Variants in PRR5 observed in about 807,000 individuals in gnomAD.
PRR5 encodes proline-rich protein 5.
In PRR5, 25 loss-of-function variants were observed where a neutral mutation model predicts 30.6. That is an observed-to-expected ratio of 0.82 (90% CI 0.60 to 1.14). PRR5 has a LOEUF of 1.14. Ranked by LOEUF, PRR5 falls within the 50% of genes most tolerant of loss-of-function variation. The pLI, the probability that PRR5 is intolerant of heterozygous loss-of-function variation, is 0.00. For synonymous variants in PRR5, 286 were observed against 247.1 expected (o/e 1.16, Z -1.48); for missense variants, 600 against 547.1 (o/e 1.10, Z -0.96).
chr22:44,732,420 T>C, intron 6 of PRR5, 29 bp downstream of exon 6: 1 of 1,587,834 alleles, frequency 6.3e-7, no homozygotes, highest in South Asian at 1.1e-5. Context: ...GGGTCGGGCA[T>C]GGGGACCGTG....
At chr22:44,732,461 C>G in intron 6 of PRR5, 70 bp downstream of exon 6, 1 of 1,551,010 alleles carries the variant, frequency 6.4e-7, no homozygotes, top group Admixed American at 1.8e-5. Flanking sequence ...TCCCCACAGG[C>G]AGAGCATGAG....
At chr22:44,675,798 A>ATT, upstream of PRR5, among the ~76,000 whole-genome samples, 1 of 142,506 alleles carries the variant, frequency 7.0e-6, no homozygotes, top group South Asian at 2.3e-4. Context: ...TATTATTATT[A>ATT]CTTAGGTCAC....
intron 6 of PRR5, 80 bp downstream of exon 6, chr22:44,732,471 G>C (rs531496798): frequency 2.6e-6 from 4 of 1,535,730 alleles, no homozygotes; most frequent in South Asian, 2.3e-5. Context: ...CAGAGCATGA[G>C]ATGAGGATTT....
rs753581449 is a variant in PRR5, at chr22:44,737,089, C to T, written c.1009C>T (p.Arg337Cys). 1.2e-5 allele frequency: 19 copies of T among 1,611,540 alleles called. No homozygotes were observed. Among genetic ancestry groups the T allele is most frequent in the African/African-American group, 4.0e-5 (3 of 74,948 alleles). ...CCCTGAGCAGGGCTTGGATCCCACC[C>T]GCAGCTCCCTGCCCCGCTCCAGCCC... Reference protein sequence around the residue: ...QPPEQGLDPTRSSLPRSSPEN... With the variant: ...QPPEQGLDPTCSSLPRSSPEN... The change falls in exon 8 of 8, where the codon CGC (arginine) becomes TGC (cysteine). Residue 337 changes from arginine (R) to cysteine (C), a missense_variant. Coordinates refer to ENST00000336985, the MANE Select transcript of PRR5 (RefSeq NM_181333.4).
Position 44,737,247 on chromosome 22 carries a change from A to G in PRR5, c.1167A>G (p.Ter389TrpextTer?). Residue 389 changes from the stop codon to tryptophan, a stop_lost, in exon 8 of 8, where the codon TGA becomes TGG. Coordinates refer to ENST00000336985, the MANE Select transcript of PRR5 (RefSeq NM_181333.4). ...EGSGGRQSVV[*>W] ...CTGGGGGCCGGCAGAGTGTCGTGTG[A>G]GGCCTCACAGCTGGCCTTGAGTTTT... is the stretch of plus-strand genomic sequence containing the variant. 1 of 1,595,340 alleles carries G rather than the reference A, an allele frequency of 6.3e-7. No homozygotes were observed. The highest frequency in any genetic ancestry group is 8.6e-7 in the Non-Finnish European group (1 of 1,167,584).
At chr22:44,733,463 C>T (rs1423459395) in intron 6 of PRR5, among the ~76,000 whole-genome samples, 1 of 152,230 alleles carries the variant, frequency 6.6e-6, no homozygotes, top group Non-Finnish European at 1.5e-5. Context: ...TGTGAGGACA[C>T]TCGGGACCCT....
At chr22:44,677,022 C>G (rs989553267), upstream of PRR5, 9 of 152,308 alleles carry the variant, frequency 5.9e-5, no homozygotes, top group Admixed American at 4.6e-4. Flanking sequence ...CCCCTCTGCC[C>G]TTTGGCCATG....
intron 4 of PRR5, chr22:44,730,457 C>T (rs1336960217): frequency 7.1e-6 from 7 of 985,224 alleles, no homozygotes; most frequent in African/African-American, 1.7e-5. Flanking sequence ...GGGTTCTTCA[C>T]GTTGCCTCTC....
intron 1 of PRR5, among the ~76,000 whole-genome samples, chr22:44,684,618 T>A (rs1353008728): frequency 6.6e-6 from 1 of 152,194 alleles, no homozygotes; most frequent in African/African-American, 2.4e-5. Flanking sequence ...GAGGGTCACC[T>A]CCTACCCGCG....
upstream of PRR5, among the ~76,000 whole-genome samples, chr22:44,674,590 A>G (rs374538790): frequency 6.6e-5 from 10 of 151,818 alleles, no homozygotes; most frequent in South Asian, 2.1e-4. Context: ...GCGTGGTGGC[A>G]GGCGCCTGTA....
chr22:44,698,925 G>A (rs995958537), upstream of PRR5, among the ~76,000 whole-genome samples: 28 of 152,130 alleles, frequency 1.8e-4, no homozygotes, highest in African/African-American at 5.6e-4. Flanking sequence ...TTCTGGCCCC[G>A]GGGCAGCCCC....
chr22:44,677,599 A>G (rs947079879), intron 1 of PRR5, among the ~76,000 whole-genome samples: 8 of 152,208 alleles, frequency 5.3e-5, no homozygotes, highest in African/African-American at 1.9e-4. Flanking sequence ...ATTCATAAAA[A>G]ACATTCTGGG....
At chr22:44,730,431 C>T in intron 4 of PRR5, 6 of 985,402 alleles carry the variant, frequency 6.1e-6, no homozygotes, top group Non-Finnish European at 7.2e-6. Flanking sequence ...CCGCTCAGTC[C>T]AGGCAGAAAG....
chr22:44,707,433 G>A lies in PRR5; in HGVS notation c.134+4825G>A, dbSNP rs1036319892. 4.6e-5 allele frequency among the ~76,000 whole-genome samples: 7 copies of A among 152,196 alleles called. No homozygotes were observed. In the South Asian group the frequency reaches 6.2e-4, roughly 13 times the overall value. On this transcript the variant is annotated intron_variant, in intron 1 of 7. Coordinates refer to ENST00000336985, the MANE Select transcript of PRR5 (RefSeq NM_181333.4). ...CTTGGAGGCTCCGGCAGGGTCAGGC[G>A]GCCCGGTGACCCCTGACTAGGCCCC...
At position 44,723,980 on chromosome 22, in the gene PRR5, G is replaced by A. The variant is rs145739363; in HGVS notation, c.216-1264G>A. ...CAATCAGAGACTGACTTTGAAAGAAGTGTTGCAATTGGTCAGTGATCATTG... is the reference window on the plus strand; with the variant it reads ...CAATCAGAGACTGACTTTGAAAGAAATGTTGCAATTGGTCAGTGATCATTG... On this transcript the variant is annotated intron_variant, in intron 2 of 7. Transcript: ENST00000336985. Among the ~76,000 whole-genome samples, 13 of 152,332 alleles carry A rather than the reference G, an allele frequency of 8.5e-5. No individual in the cohort carries two copies. The East Asian group carries it at 2.5e-3, about 29-fold the overall frequency.
At chr22:44,704,554 C>T (rs1926885827) in intron 1 of PRR5, among the ~76,000 whole-genome samples, 1 of 152,064 alleles carries the variant, frequency 6.6e-6, no homozygotes, top group South Asian at 2.1e-4. Flanking sequence ...CTGCAGGGCT[C>T]CAGGTCTCCC....
intron 2 of PRR5, among the ~76,000 whole-genome samples, chr22:44,722,133 G>A (rs1239081027): frequency 6.6e-6 from 1 of 152,204 alleles, no homozygotes; most frequent in Non-Finnish European, 1.5e-5. Context: ...CCTTGTTAAT[G>A]CCACTGCGCT....
At chr22:44,733,707 G>A (rs1922662473) in intron 6 of PRR5, among the ~76,000 whole-genome samples, 1 of 152,182 alleles carries the variant, frequency 6.6e-6, no homozygotes, top group Admixed American at 6.5e-5. Context: ...GCTCCTACAG[G>A]CAGACAATTC....
chr22:44,671,055 T>C (rs1923398308), intron 1 of PRR5, among the ~76,000 whole-genome samples: 1 of 152,044 alleles, frequency 6.6e-6, no homozygotes, highest in African/African-American at 2.4e-5. Context: ...CCCCTCAAGA[T>C]AGAAAAACCC....
Sources: allele counts gnomAD v4.1 joint callset (sites outside exome capture counted in the v4.1 genomes callset), GRCh38; gene constraint gnomAD v4.1.1; transcripts MANE v1.5; gene names NCBI Gene and HGNC (gene_info 2026-07-23, HGNC 2026-07-21).